ITPK1: variants seen among roughly 807,000 people sequenced by gnomAD.
ITPK1 encodes inositol-tetrakisphosphate 1-kinase.
Under a neutral mutation model 45.3 loss-of-function variants are expected in ITPK1, and 21 were observed. The observed-to-expected ratio is 0.46, with a 90% CI of 0.33 to 0.67. The LOEUF (loss-of-function observed/expected upper bound fraction) is 0.67. Ranked by LOEUF, ITPK1 falls within the 30% of genes least tolerant of loss-of-function variation. The pLI, the probability that ITPK1 is intolerant of heterozygous loss-of-function variation, is 0.02. For synonymous variants in ITPK1, 258 were observed against 253.6 expected (o/e 1.02, Z -0.16); for missense variants, 474 against 573.5 (o/e 0.83, Z 1.77).
intron 3 of ITPK1, among the ~76,000 whole-genome samples, chr14:93,075,092 C>T (rs867642024): frequency 1.8e-4 from 27 of 152,036 alleles, no homozygotes; most frequent in Middle Eastern, 6.8e-3. Context: ...TTTGGAAGGC[C>T]GAGGTGGGTG....
chr14:93,041,097 G>A (rs1191896345), intron 3 of ITPK1, among the ~76,000 whole-genome samples: 3 of 152,124 alleles, frequency 2.0e-5, no homozygotes, highest in African/African-American at 7.2e-5. Context: ...CTGTCAGGAG[G>A]GGGCTATTTT....
intron 2 of ITPK1, among the ~76,000 whole-genome samples, chr14:93,108,431 A>C (rs530853695): frequency 6.6e-6 from 1 of 152,322 alleles, no homozygotes; most frequent in East Asian, 1.9e-4. Flanking sequence ...AACCTGCTAA[A>C]CCATGTGGGA....
intron 10 of ITPK1, among the ~76,000 whole-genome samples, chr14:92,944,684 G>A (rs1417197616): frequency 6.6e-6 from 1 of 152,042 alleles, no homozygotes; most frequent in Non-Finnish European, 1.5e-5. Flanking sequence ...AACATGCTCC[G>A]TGGTTTAGAT....
At chr14:92,999,844 G>A (rs761440079) in intron 4 of ITPK1, among the ~76,000 whole-genome samples, 1 of 152,184 alleles carries the variant, frequency 6.6e-6, no homozygotes, top group African/African-American at 2.4e-5. Context: ...GTTGTGCAAC[G>A]ATCAGCTCAA....
rs1887942744 is a variant in ITPK1, at chr14:93,012,136, GCACTGGGCATGC to G, written c.246+4528_246+4539del. ...GAAAGGCCGCCCCAGCGCATGACCA[GCACTGGGCATGC>G]GCCGCCACCCAAACACTTAGGCACT... On this transcript the variant is annotated intron_variant, in intron 4 of 10. Transcript: ENST00000267615. The surrounding 1 kb of genome is among the most constrained non-coding windows in gnomAD (Gnocchi z 4.9). Among the ~76,000 whole-genome samples, 1 of 152,170 alleles carries G rather than the reference GCACTGGGCATGC, an allele frequency of 6.6e-6. No homozygotes were observed. Among genetic ancestry groups the G allele is most frequent in the Non-Finnish European group, 1.5e-5 (1 of 68,022 alleles).
chr14:92,940,902 C>A lies in ITPK1; in HGVS notation c.*659G>T. ...TAAATGGGACGTGTGTTGGGGGGCC[C>A]AGAGGACGCCCAGCTTCCTTTCCTT... On this transcript the variant is annotated 3_prime_UTR_variant, in exon 11 of 11. Transcript: ENST00000267615. The A allele has an allele frequency of 7.8e-7, 1 of 1,288,314 alleles. No homozygotes were observed. Among genetic ancestry groups the A allele is most frequent in the Non-Finnish European group, 1.0e-6 (1 of 988,770 alleles). 79.8% of individuals were successfully genotyped at this position (1,288,314 alleles called of 1,614,324 possible).
intron 3 of ITPK1, among the ~76,000 whole-genome samples, chr14:93,023,078 C>T (rs1888552459): frequency 6.6e-6 from 1 of 151,182 alleles, no homozygotes; most frequent in South Asian, 2.1e-4. Flanking sequence ...TGGGTTTCAC[C>T]ATGTTTGGCC....
intron 4 of ITPK1, among the ~76,000 whole-genome samples, chr14:92,996,353 T>C (rs1482943367): frequency 1.3e-5 from 2 of 149,390 alleles, no homozygotes; most frequent in African/African-American, 2.5e-5. Context: ...AAACACTGCA[T>C]GTTCTCACTC....
At chr14:93,031,277 G>T (rs142485453) in intron 3 of ITPK1, among the ~76,000 whole-genome samples, 16 of 152,068 alleles carry the variant, frequency 1.1e-4, no homozygotes, top group Admixed American at 1.0e-3. Flanking sequence ...CAGGGGACGG[G>T]GGACAAAGAG....
rs1310699267 is a variant in ITPK1, at chr14:93,115,095, A to G, written c.69T>C (p.Asn23=). 4 of 1,600,894 alleles carry G rather than the reference A, an allele frequency of 2.5e-6. No individual in the cohort carries two copies. The highest frequency in any genetic ancestry group is 2.3e-5 in the East Asian group (1 of 42,920). ...TGCACAGCTCGGCGAAGGCCTGGAA[A>G]TTCAGCTTCTTGATTTTCTTCTCGC... is the stretch of plus-strand genomic sequence containing the variant. ...WLSEKKIKKL[N]FQAFAELCRK... The change falls in exon 2 of 11, where the codon AAT becomes AAC. Residue 23 remains asparagine (N), a synonymous_variant. Transcript: ENST00000267615.
At chr14:93,021,527 A>G (rs1888460152) in intron 3 of ITPK1, among the ~76,000 whole-genome samples, 1 of 151,726 alleles carries the variant, frequency 6.6e-6, no homozygotes. Flanking sequence ...CGGGAGGCGG[A>G]GGTTGCAGTG....
chr14:93,107,525 G>C (rs971982811), intron 2 of ITPK1, among the ~76,000 whole-genome samples: 3 of 152,172 alleles, frequency 2.0e-5, no homozygotes, highest in African/African-American at 7.2e-5. Flanking sequence ...TGGCCTGTGG[G>C]TCCCGATTCA....
chr14:92,938,231 G>A lies in ITPK1; in HGVS notation c.*3330C>T, dbSNP rs756420947. On this transcript the variant is annotated 3_prime_UTR_variant, in exon 11 of 11. Coordinates refer to ENST00000267615, the MANE Select transcript of ITPK1 (RefSeq NM_014216.6). ...CCTCAGCCTCCCTAAGTGCTGGGAT[G>A]ACAGGCGTGAGCCGCCATGCCCGGC... The A allele has an allele frequency of 1.7e-6, 1 of 578,322 alleles. No homozygotes were observed. The highest frequency in any genetic ancestry group is 3.1e-6 in the Non-Finnish European group (1 of 326,286). The allele number at this position is 578,322 out of a possible 1,614,324, so 35.8% of individuals were successfully genotyped here. A position where few individuals can be genotyped will look rare whatever the true frequency, so the allele number is the denominator to read the frequency against.
intron 2 of ITPK1, among the ~76,000 whole-genome samples, chr14:93,099,591 T>C (rs1204083310): frequency 6.6e-6 from 1 of 152,100 alleles, no homozygotes; most frequent in Admixed American, 6.5e-5. Flanking sequence ...CAGCCAGGAC[T>C]CTCAGAATCT....
intron 4 of ITPK1, 32 bp from the exon 5 acceptor site, chr14:92,994,029 C>G (rs1566722058): frequency 6.1e-6 from 9 of 1,468,326 alleles, no homozygotes; most frequent in Non-Finnish European, 6.7e-6. Context: ...CTGGTTAGAG[C>G]AGGGGTAGGG....
intron 3 of ITPK1, among the ~76,000 whole-genome samples, chr14:93,055,289 T>C (rs1390804424): frequency 6.6e-6 from 1 of 152,200 alleles, no homozygotes; most frequent in African/African-American, 2.4e-5. Flanking sequence ...ACGTGTCTTT[T>C]GGTGGACACA....
chr14:93,023,232 T>C (rs981656562), intron 3 of ITPK1, among the ~76,000 whole-genome samples: 5 of 152,170 alleles, frequency 3.3e-5, no homozygotes, highest in African/African-American at 1.2e-4. Context: ...GATTCCCTGG[T>C]AAATGGGTGA....
At chr14:93,070,950 T>C (rs1044933721) in intron 3 of ITPK1, 1 of 153,772 alleles carries the variant, frequency 6.5e-6, no homozygotes. Flanking sequence ...GCATTCCCAT[T>C]ACCATACTAC....
chr14:93,055,104 C>T (rs1405443509), intron 3 of ITPK1, among the ~76,000 whole-genome samples: 4 of 152,202 alleles, frequency 2.6e-5, no homozygotes, highest in Admixed American at 6.5e-5. Flanking sequence ...TCTTTGGCCA[C>T]GTTTCATGCC....
Sources: allele counts gnomAD v4.1 joint callset (sites outside exome capture counted in the v4.1 genomes callset), GRCh38; gene constraint gnomAD v4.1.1; non-coding constraint Gnocchi (gnomAD v3.1); transcripts MANE v1.5; gene names NCBI Gene and HGNC (gene_info 2026-07-23, HGNC 2026-07-21).